Variants in LRRC40 observed in about 807,000 individuals in gnomAD.
LRRC40 encodes the protein leucine rich repeat containing 40.
In LRRC40, 76 loss-of-function variants were observed where a neutral mutation model predicts 72.8. The observed-to-expected ratio is 1.04, with a 90% CI of 0.87 to 1.26. The LOEUF (loss-of-function observed/expected upper bound fraction) is 1.26. LRRC40 is among the 50% of genes most tolerant of loss of function. The probability of loss-of-function intolerance (pLI) is 0.00; values close to 1 mark genes in which losing one functional copy is unlikely to be tolerated. For synonymous variants in LRRC40, 243 were observed against 254.2 expected (o/e 0.96, Z 0.42); for missense variants, 684 against 698.9 (o/e 0.98, Z 0.24).
Position 70,178,832 on chromosome 1 carries a change from A to C in LRRC40, c.804+19T>G. 7.0e-7 allele frequency: 1 copy of C among 1,432,116 alleles called. No individual in the cohort carries two copies. The allele number at this position is 1,432,116 out of a possible 1,614,324, so 88.7% of individuals were successfully genotyped here. A position where few individuals can be genotyped will look rare whatever the true frequency, so the allele number is the denominator to read the frequency against. On this transcript the variant is annotated intron_variant, in intron 6 of 14. Coordinates refer to ENST00000370952, the MANE Select transcript of LRRC40 (RefSeq NM_017768.5). ...AACTTTTGGAAAATATAGTTATTTA[A>C]TAATCAACTAAATAGTACCTTCAAT...
intron 1 of LRRC40, among the ~76,000 whole-genome samples, chr1:70,198,087 C>T (rs1454816780): frequency 6.6e-6 from 1 of 152,056 alleles, no homozygotes; most frequent in Non-Finnish European, 1.5e-5. Context: ...TATTCTGTCC[C>T]AACAAACTAT....
chr1:70,151,202 G>C lies in LRRC40; in HGVS notation c.1443C>G (p.Asn481Lys), dbSNP rs759296695. ...CTTCTGGCAAAGAATTTAAAAAATT[G>C]TTCCTAAATTGGAAATCAAAACAGA... is the stretch of plus-strand genomic sequence containing the variant. ...LQKLTFLDLR[N>K]NFLNSLPEEM... The change falls in exon 13 of 15, where the codon AAC (asparagine) becomes AAG (lysine). Residue 481 changes from asparagine to lysine, a missense_variant. Transcript: ENST00000370952. 1 of 1,536,184 alleles carries C rather than the reference G, an allele frequency of 6.5e-7. No homozygotes were observed. Among genetic ancestry groups the C allele is most frequent in the Admixed American group, 1.7e-5 (1 of 58,992 alleles).
In LRRC40 at chr1:70,175,857, T is replaced by C. The variant is rs1307982025; in HGVS notation, c.930A>G (p.Leu310=). 1 of 1,588,754 alleles carries C rather than the reference T, an allele frequency of 6.3e-7. No homozygotes were observed. Among genetic ancestry groups the C allele is most frequent in the African/African-American group, 1.4e-5 (1 of 73,200 alleles). The part of the protein sequence containing the change: ...KLKSVPDEII[L]LRSLERLDLS... ...GGTCAAGCCTTTCCAAGGACCGTAG[T>C]AGTATAATTTCATCTGGAACAGATT... Residue 310 remains leucine, a synonymous_variant, in exon 7 of 15, where the codon CTA becomes CTG. Coordinates refer to ENST00000370952, the MANE Select transcript of LRRC40 (RefSeq NM_017768.5).
intron 5 of LRRC40, among the ~76,000 whole-genome samples, chr1:70,179,355 T>C (rs547651067): frequency 3.3e-5 from 5 of 152,002 alleles, no homozygotes; most frequent in Non-Finnish European, 7.4e-5. Context: ...GGCATGGTGG[T>C]GCATGCCTGT....
intron 1 of LRRC40, among the ~76,000 whole-genome samples, chr1:70,190,371 A>G (rs987075743): frequency 6.6e-6 from 1 of 152,036 alleles, no homozygotes; most frequent in Non-Finnish European, 1.5e-5. Context: ...GAAAGGCATG[A>G]GACTTATACT....
intron 9 of LRRC40, among the ~76,000 whole-genome samples, chr1:70,166,106 G>A (rs556643062): frequency 5.5e-4 from 83 of 152,120 alleles, no homozygotes; most frequent in Non-Finnish European, 8.8e-5. Flanking sequence ...AATTTTAAGA[G>A]TCTTGCCAAT....
At chr1:70,160,677 C>T (rs1273978760) in intron 9 of LRRC40, among the ~76,000 whole-genome samples, 2 of 151,978 alleles carry the variant, frequency 1.3e-5, no homozygotes, top group Non-Finnish European at 2.9e-5. Flanking sequence ...GTATTCTTAA[C>T]AATTTCCAAA....
At chr1:70,199,224 C>CACACACAT (rs2100352134) in intron 1 of LRRC40, among the ~76,000 whole-genome samples, 1 of 119,904 alleles carries the variant, frequency 8.3e-6, no homozygotes, top group Admixed American at 9.1e-5. Context: ...CTCACACACA[C>CACACACAT]ACACACACAC....
At chr1:70,159,788 T>G (rs1667716736) in intron 9 of LRRC40, among the ~76,000 whole-genome samples, 1 of 152,184 alleles carries the variant, frequency 6.6e-6, no homozygotes, top group Non-Finnish European at 1.5e-5. Context: ...AGAAGAAATT[T>G]GTTAATGAAA....
intron 9 of LRRC40, among the ~76,000 whole-genome samples, chr1:70,160,988 CAGAG>C (rs756603870): frequency 1.3e-5 from 2 of 150,260 alleles, no homozygotes; most frequent in South Asian, 2.1e-4. Flanking sequence ...TATAGGTTTC[CAGAG>C]AGAGAGAAAA....
chr1:70,189,823 G>C (rs1040315334), intron 1 of LRRC40, among the ~76,000 whole-genome samples: 1 of 152,176 alleles, frequency 6.6e-6, no homozygotes, highest in African/African-American at 2.4e-5. Flanking sequence ...AGAGCACAAA[G>C]AAAATGTATA....
chr1:70,153,334 C>T (rs1667554123), intron 11 of LRRC40, among the ~76,000 whole-genome samples: 1 of 151,764 alleles, frequency 6.6e-6, no homozygotes, highest in Non-Finnish European at 1.5e-5. Flanking sequence ...TGCACTCCAG[C>T]CTGGGCAACA....
At chr1:70,190,438 T>A (rs1175288437) in intron 1 of LRRC40, among the ~76,000 whole-genome samples, 1 of 151,600 alleles carries the variant, frequency 6.6e-6, no homozygotes, top group Non-Finnish European at 1.5e-5. Flanking sequence ...CCCTGCACTT[T>A]GGGAGGCTAA....
rs1464816814 is a variant in LRRC40, at chr1:70,155,676, T to A, written c.1328+13A>T. ...TGAGTCACAACCTATAGACATGGCA[T>A]CATAGTTCTTACCTTTTTGGAATTT... On this transcript the variant is annotated intron_variant, in intron 11 of 14. Coordinates refer to ENST00000370952, the MANE Select transcript of LRRC40 (RefSeq NM_017768.5). The A allele has an allele frequency of 7.9e-7, 1 of 1,268,640 alleles. No individual in the cohort carries two copies. The highest frequency in any genetic ancestry group is 1.1e-6 in the Non-Finnish European group (1 of 906,050). 78.6% of individuals were successfully genotyped at this position (1,268,640 alleles called of 1,614,324 possible).
intron 3 of LRRC40, among the ~76,000 whole-genome samples, chr1:70,185,373 A>G (rs553756030): frequency 6.6e-6 from 1 of 152,268 alleles, no homozygotes; most frequent in East Asian, 1.9e-4. Context: ...TTTCCCCCAT[A>G]CTGTTCTCGT....
intron 14 of LRRC40, among the ~76,000 whole-genome samples, chr1:70,147,673 G>A (rs186086517): frequency 2.1e-3 from 316 of 152,262 alleles, no homozygotes; most frequent in African/African-American, 7.1e-3. Flanking sequence ...AGAATCAACT[G>A]TATTTATAGT....
At chr1:70,184,718 A>C (rs1319827821) in intron 4 of LRRC40, 67 bp downstream of exon 4, 4 of 1,433,896 alleles carry the variant, frequency 2.8e-6, no homozygotes, top group African/African-American at 2.9e-5. Flanking sequence ...ATCTATCTTA[A>C]TTTCTCAGCC....
At chr1:70,148,771 T>C (rs552389696) in intron 13 of LRRC40, 99 bp from the exon 14 acceptor site, 114 of 680,518 alleles carry the variant, frequency 1.7e-4, no homozygotes, top group African/African-American at 5.3e-5. Context: ...GTTTTTTCTT[T>C]AGTGTATGTT....
At position 70,181,988 on chromosome 1, in the gene LRRC40, A is replaced by C. The variant is rs75194595; in HGVS notation, c.538-779T>G. Among the ~76,000 whole-genome samples the C allele has an allele frequency of 2.5e-4, 38 of 152,188 alleles. No individual in the cohort carries two copies. In the East Asian group the frequency reaches 5.2e-3, roughly 21 times the overall value. On this transcript the variant is annotated intron_variant, in intron 4 of 14. Transcript: ENST00000370952. The stretch of plus-strand genomic sequence containing the variant: ...AGTGTTAAGCAGTGTCAATGGCAAC[A>C]ATGAATAAGATTTTCATTTAATATA...
Sources: allele counts gnomAD v4.1 joint callset (sites outside exome capture counted in the v4.1 genomes callset), GRCh38; gene constraint gnomAD v4.1.1; transcripts MANE v1.5; gene names NCBI Gene and HGNC (gene_info 2026-07-23, HGNC 2026-07-21).